ST3GAL3: variants seen among roughly 807,000 people sequenced by gnomAD.
ST3GAL3 encodes the protein ST3 beta-galactoside alpha-2,3-sialyltransferase 3.
A neutral mutation model predicts 50.1 loss-of-function variants in ST3GAL3; 21 were observed. The observed-to-expected ratio is 0.42, with a 90% CI of 0.30 to 0.60. The LOEUF (loss-of-function observed/expected upper bound fraction) is 0.60, where lower values mean the gene tolerates loss of function less well. ST3GAL3 is among the 20% of genes least tolerant of loss of function. ST3GAL3 has a pLI of 0.19. For missense variants in ST3GAL3, 353 were observed against 489.4 expected (o/e 0.72, Z 2.63); for synonymous variants, 183 against 190.0 (o/e 0.96, Z 0.30).
intron 3 of ST3GAL3, among the ~76,000 whole-genome samples, chr1:43,800,980 G>A (rs992661480): frequency 4.6e-5 from 7 of 152,142 alleles, no homozygotes; most frequent in South Asian, 2.1e-4. Flanking sequence ...CATTCCCTTC[G>A]TACTTAGCAA....
At chr1:43,732,218 C>T (rs1002716787) in intron 1 of ST3GAL3, among the ~76,000 whole-genome samples, 4 of 152,230 alleles carry the variant, frequency 2.6e-5, no homozygotes, top group Admixed American at 6.5e-5. Context: ...TGTGTACTGG[C>T]AGCTGGTCTC....
At chr1:43,923,475 A>G (rs939961368) in intron 11 of ST3GAL3, among the ~76,000 whole-genome samples, 1 of 152,056 alleles carries the variant, frequency 6.6e-6, no homozygotes, top group Admixed American at 6.6e-5. Flanking sequence ...TTCATATCCC[A>G]CAGTCCTGGA....
At chr1:43,927,515 C>A (rs147567524) in intron 11 of ST3GAL3, among the ~76,000 whole-genome samples, 4 of 152,166 alleles carry the variant, frequency 2.6e-5, no homozygotes, top group Non-Finnish European at 5.9e-5. Flanking sequence ...CCATCAAATT[C>A]GTTACTACTT....
At chr1:43,907,656 C>T (rs1032770845) in intron 9 of ST3GAL3, among the ~76,000 whole-genome samples, 1 of 152,190 alleles carries the variant, frequency 6.6e-6, no homozygotes, top group African/African-American at 2.4e-5. Flanking sequence ...CCTCTACCAT[C>T]CCTCCTGTGC....
At chr1:43,756,326 G>T (rs1284453832) in intron 2 of ST3GAL3, among the ~76,000 whole-genome samples, 1 of 151,788 alleles carries the variant, frequency 6.6e-6, no homozygotes, top group Non-Finnish European at 1.5e-5. Context: ...GGGAGGGAGG[G>T]ATTGCAAACG....
chr1:43,911,103 G>C (rs1269010106), intron 9 of ST3GAL3: 1 of 151,728 alleles, frequency 6.6e-6, no homozygotes. Context: ...GCAGAGCTTG[G>C]ATGTGTGGAG....
At chr1:43,929,898 A>C (rs1300520966) in intron 11 of ST3GAL3, 2 of 631,746 alleles carry the variant, frequency 3.2e-6, no homozygotes, top group Admixed American at 4.4e-5. Context: ...TGGGACGAGG[A>C]AAGGGGTATG....
chr1:43,790,323 G>T (rs1201593572), intron 2 of ST3GAL3, among the ~76,000 whole-genome samples: 1 of 152,160 alleles, frequency 6.6e-6, no homozygotes, highest in Non-Finnish European at 1.5e-5. Flanking sequence ...GAATGTCCAT[G>T]TGCAATGAGA....
At chr1:43,856,535 A>C (rs79949009) in intron 5 of ST3GAL3, among the ~76,000 whole-genome samples, 6,343 of 152,288 alleles carry the variant, frequency 0.042, 193 homozygotes, top group Middle Eastern at 0.095. Context: ...GCTGTGTTGA[A>C]ATCCTTGGGT....
chr1:43,731,056 G>C (rs1300008455), intron 1 of ST3GAL3, among the ~76,000 whole-genome samples: 1 of 150,210 alleles, frequency 6.7e-6, no homozygotes, highest in Non-Finnish European at 1.5e-5. Flanking sequence ...TCTTTGAGAT[G>C]GCATCTCACT....
At chr1:43,905,402 C>A (rs1300068308) in intron 9 of ST3GAL3, among the ~76,000 whole-genome samples, 1 of 102,530 alleles carries the variant, frequency 9.8e-6, no homozygotes, top group African/African-American at 3.9e-5. Context: ...CCTCCCCCTT[C>A]TGCTCCTCTT....
chr1:43,722,480 G>A (rs1433241266), intron 1 of ST3GAL3, among the ~76,000 whole-genome samples: 2 of 152,200 alleles, frequency 1.3e-5, no homozygotes, highest in African/African-American at 4.8e-5. Context: ...AAGCCTGGGA[G>A]TGAAATAATC....
intron 1 of ST3GAL3, among the ~76,000 whole-genome samples, chr1:43,713,618 C>T (rs183804299): frequency 2.0e-5 from 3 of 148,736 alleles, no homozygotes; most frequent in Non-Finnish European, 1.5e-5. Flanking sequence ...GCAGCCTCAA[C>T]CTCCCAGGCT....
chr1:43,816,944 C>T (rs59645238), intron 4 of ST3GAL3, among the ~76,000 whole-genome samples: 2,367 of 152,300 alleles, frequency 0.016, 65 homozygotes, highest in African/African-American at 0.054. Flanking sequence ...GAAAGGTTTC[C>T]ACCTACTTCC....
intron 9 of ST3GAL3, chr1:43,919,151 C>T (rs1476530872): frequency 7.7e-6 from 1 of 130,382 alleles, no homozygotes; most frequent in East Asian, 2.5e-4. Flanking sequence ...AATGTCGGCT[C>T]ACTGCAACCT....
chr1:43,711,719 G>C (rs1011965334), intron 1 of ST3GAL3, among the ~76,000 whole-genome samples: 1 of 152,194 alleles, frequency 6.6e-6, no homozygotes, highest in African/African-American at 2.4e-5. Context: ...TTACATCCGA[G>C]TTATGACACA....
intron 5 of ST3GAL3, among the ~76,000 whole-genome samples, chr1:43,873,173 A>C (rs1449939089): frequency 6.6e-6 from 1 of 152,178 alleles, no homozygotes; most frequent in Non-Finnish European, 1.5e-5. Context: ...TTGGGAGGCT[A>C]TTGTGACCTA....
intron 1 of ST3GAL3, among the ~76,000 whole-genome samples, chr1:43,721,387 C>T (rs977935091): frequency 6.7e-6 from 1 of 149,612 alleles, no homozygotes. Context: ...TTACTGCAAC[C>T]TCCACCTCCC....
intron 2 of ST3GAL3, among the ~76,000 whole-genome samples, chr1:43,782,329 C>CT (rs755823001): frequency 1.3e-5 from 2 of 152,202 alleles, no homozygotes; most frequent in African/African-American, 2.4e-5. Flanking sequence ...CCCTCATTGT[C>CT]TGTCACCTGG....
Sources: allele counts gnomAD v4.1 joint callset (sites outside exome capture counted in the v4.1 genomes callset), GRCh38; gene constraint gnomAD v4.1.1; transcripts MANE v1.5; gene names NCBI Gene and HGNC (gene_info 2026-07-23, HGNC 2026-07-21).